The following OCA2 variants were observed in gnomAD, a reference collection of about 807,000 sequenced individuals.
OCA2 encodes the protein P protein.
A neutral mutation model predicts 100.2 loss-of-function variants in OCA2; 77 were observed. The ratio of observed to expected loss-of-function variants is 0.77; its 90% CI spans 0.64 to 0.93. The LOEUF is 0.93. OCA2 is among the 40% of genes least tolerant of loss of function. The probability of loss-of-function intolerance (pLI) is 0.00; values close to 1 mark genes in which losing one functional copy is unlikely to be tolerated. For synonymous variants in OCA2, 432 were observed against 439.2 expected, an observed-to-expected ratio of 0.98 and a Z score of 0.21; for missense variants, 1,062 against 1,089.1, an observed-to-expected ratio of 0.98 and a Z score of 0.35.
At chr15:27,755,499 G>C in intron 23 of OCA2, 27 bp from the exon 24 acceptor site, 1 of 1,569,388 alleles carries the variant, frequency 6.4e-7, no homozygotes, top group South Asian at 1.1e-5. Flanking sequence ...AATGAGTTAT[G>C]GCATCTGAAA....
At chr15:27,945,328 G>A (rs1485536029) in intron 18 of OCA2, among the ~76,000 whole-genome samples, 1 of 152,090 alleles carries the variant, frequency 6.6e-6, no homozygotes, top group Non-Finnish European at 1.5e-5. Context: ...CCTGGAAATT[G>A]GGGGTTCAAA....
chr15:27,974,227 A>T (rs1595746736), intron 14 of OCA2, among the ~76,000 whole-genome samples: 1 of 152,132 alleles, frequency 6.6e-6, no homozygotes, highest in African/African-American at 2.4e-5. Context: ...ATAATTTTAA[A>T]ATTAATTTCA....
rs55960904 is a variant in OCA2, at chr15:27,766,899, A to C, written c.2433-11427T>G. On this transcript the variant is annotated intron_variant, in intron 23 of 23. Transcript: ENST00000354638. ...GCTCTGTAATCTGCCTGCTCTTTAC[A>C]AACTGGAGAGGATTTTCCTGTCCTG... Among the ~76,000 whole-genome samples, 1,027 of 152,270 alleles carry C rather than the reference A, an allele frequency of 6.7e-3. 11 individuals carry two copies. Among genetic ancestry groups the C allele is most frequent in the African/African-American group, 0.024 (983 of 41,558 alleles).
chr15:27,959,934 G>A (rs1475053900), intron 15 of OCA2, among the ~76,000 whole-genome samples: 1 of 152,164 alleles, frequency 6.6e-6, no homozygotes, highest in Non-Finnish European at 1.5e-5. Flanking sequence ...ATTTAGTCGG[G>A]AGGGATTTTG....
In OCA2 at chr15:28,024,900, C is replaced by A; in HGVS notation, c.518G>T (p.Arg173Leu). 1 of 1,614,170 alleles carries A rather than the reference C, an allele frequency of 6.2e-7. No homozygotes were observed. The highest frequency in any genetic ancestry group is 1.3e-5 in the African/African-American group (1 of 75,054). Residue 173 changes from arginine to leucine, a missense_variant and splice_region_variant, in exon 5 of 24, where the codon CGC becomes CTC. By Grantham distance (102) the Arg-to-Leu change is moderately radical. Transcript: ENST00000354638. ...CATGACTTTCAGCCACTGCACACAG[C>A]GCCTGCAAGAGAAAAAGTAGGGCCT... The part of the protein sequence containing the change: ...HIRLRLSKLR[R>L]CVQWLKVMGL...
At chr15:27,895,892 G>C in intron 19 of OCA2, 1 of 579,692 alleles carries the variant, frequency 1.7e-6, no homozygotes, top group Admixed American at 2.3e-5. Flanking sequence ...TATTTATCAG[G>C]TTGCTTATGC....
rs751440917 is a variant in OCA2 at position 27,755,398 on chromosome 15, CCCA to C, written c.2504_2506del (p.Val835del). The C allele has an allele frequency of 9.9e-6, 16 of 1,612,176 alleles. No individual in the cohort carries two copies. Among genetic ancestry groups the C allele is most frequent in the African/African-American group, 9.4e-5 (7 of 74,856 alleles). ...ATAGATGGATGTCTATTAATTCCAT[CCCA>C]CCACCACATGAGCCACAAGGAGATA... On this transcript the variant is annotated inframe_deletion, in exon 24 of 24. Transcript: ENST00000354638.
intron 23 of OCA2, among the ~76,000 whole-genome samples, chr15:27,765,171 A>T (rs1294227391): frequency 6.6e-6 from 1 of 152,096 alleles, no homozygotes; most frequent in Non-Finnish European, 1.5e-5. Context: ...GGCCTCCAAA[A>T]AACTATCTCA....
At chr15:27,777,006 T>A (rs117681148) in intron 23 of OCA2, among the ~76,000 whole-genome samples, 3,497 of 150,878 alleles carry the variant, frequency 0.023, 64 homozygotes, top group Middle Eastern at 0.034. Context: ...TGGAGAGCAC[T>A]TCCCCCCACA....
chr15:27,769,961 G>A (rs889267108), intron 23 of OCA2, among the ~76,000 whole-genome samples: 4 of 150,650 alleles, frequency 2.7e-5, no homozygotes, highest in Non-Finnish European at 2.9e-5. Context: ...GCCCCCATCT[G>A]AACAGCCTCA....
intron 14 of OCA2, among the ~76,000 whole-genome samples, chr15:27,971,097 G>A (rs1261428812): frequency 6.6e-6 from 1 of 151,126 alleles, no homozygotes; most frequent in Admixed American, 6.6e-5. Flanking sequence ...AGCATGCCCG[G>A]CATGGTGAGA....
intron 19 of OCA2, among the ~76,000 whole-genome samples, chr15:27,924,933 C>A (rs1449884660): frequency 6.6e-6 from 1 of 152,020 alleles, no homozygotes; most frequent in Non-Finnish European, 1.5e-5. Context: ...CAAAAGTGGG[C>A]TGAAGTGGCT....
At chr15:27,833,472 C>G (rs933258393) in intron 23 of OCA2, among the ~76,000 whole-genome samples, 5 of 152,230 alleles carry the variant, frequency 3.3e-5, no homozygotes, top group African/African-American at 1.2e-4. Context: ...CAGCTTACTG[C>G]ACTTTACCAG....
intron 2 of OCA2, among the ~76,000 whole-genome samples, chr15:28,048,699 C>A (rs146222196): frequency 1.8e-4 from 28 of 152,136 alleles, no homozygotes; most frequent in African/African-American, 6.5e-4. Flanking sequence ...AATTAAAATC[C>A]TTTGCGCTTC....
chr15:27,780,992 CTGAG>C (rs1190221974), intron 23 of OCA2, among the ~76,000 whole-genome samples: 1 of 152,190 alleles, frequency 6.6e-6, no homozygotes, highest in Non-Finnish European at 1.5e-5. Flanking sequence ...TCATTCTAAG[CTGAG>C]TGTCTCTTCT....
intron 21 of OCA2, among the ~76,000 whole-genome samples, chr15:27,863,281 T>C (rs56086250): frequency 0.31 from 46,878 of 151,974 alleles, 7,718 homozygotes; most frequent in East Asian, 0.56. Flanking sequence ...TCCGGGCGGA[T>C]CCCCTGGTAA....
At chr15:27,925,232 A>G (rs1327123880) in intron 19 of OCA2, among the ~76,000 whole-genome samples, 1 of 152,218 alleles carries the variant, frequency 6.6e-6, no homozygotes, top group Non-Finnish European at 1.5e-5. Flanking sequence ...ACTGTTAACA[A>G]GCAAGACAAA....
chr15:28,022,717 G>C, intron 5 of OCA2, 144 bp from the exon 6 acceptor site: 1 of 697,300 alleles, frequency 1.4e-6, no homozygotes, highest in Non-Finnish European at 2.6e-6. Context: ...GAATAGCTTT[G>C]TCTTAAATAT....
chr15:27,793,100 G>A (rs538103003), intron 23 of OCA2, among the ~76,000 whole-genome samples: 14 of 150,460 alleles, frequency 9.3e-5, no homozygotes, highest in African/African-American at 3.5e-4. Context: ...AGCTTTGAAA[G>A]AAGAAGAACT....
Sources: gnomAD v4.1 joint callset for allele counts (sites outside exome capture counted in the v4.1 genomes callset) on GRCh38, gnomAD v4.1.1 for gene constraint, MANE v1.5 for transcripts, NCBI Gene and HGNC (gene_info 2026-07-23, HGNC 2026-07-21) for gene names.